Variants in ASAH2B observed in about 807,000 individuals in gnomAD.
ASAH2B encodes the protein N-acylsphingosine amidohydrolase 2B.
A neutral mutation model predicts 2.9 loss-of-function variants in ASAH2B; 1 was observed. The ratio of observed to expected loss-of-function variants is 0.34; its 90% CI spans 0.12 to 1.63. ASAH2B has a LOEUF of 1.63. ASAH2B is among the 40% of genes most tolerant of loss of function. ASAH2B has a pLI of 0.36. For synonymous variants in ASAH2B, 4 were observed against 13.3 expected, an observed-to-expected ratio of 0.30 and a Z score of 1.52; for missense variants, 9 against 37.7, an observed-to-expected ratio of 0.24 and a Z score of 1.99.
intron 2 of ASAH2B, chr10:50,743,622 A>G (rs1467376292): frequency 6.5e-6 from 1 of 152,988 alleles, no homozygotes; most frequent in Non-Finnish European, 1.5e-5. Context: ...GAATAAAAAC[A>G]TTGCATCTAC....
rs368143358 is a variant in ASAH2B at position 50,742,117 on chromosome 10, T to C, written c.-99-798T>C. Among the ~76,000 whole-genome samples the C allele has an allele frequency of 5.3e-5, 8 of 150,904 alleles. No homozygotes were observed. The East Asian group carries it at 7.8e-4, about 15-fold the overall frequency. Reference sequence around the variant, plus strand: ...CAAACCTGCACATGTACCTCTGAACTTAATACAAATATAAAAAAAAAGAGA... The same window carrying C: ...CAAACCTGCACATGTACCTCTGAACCTAATACAAATATAAAAAAAAAGAGA... On this transcript the variant is annotated intron_variant, in intron 1 of 5. Transcript: ENST00000647317.
At chr10:50,743,788 T>C (rs1274107968) in intron 2 of ASAH2B, 1 of 150,878 alleles carries the variant, frequency 6.6e-6, no homozygotes, top group Non-Finnish European at 1.5e-5. Flanking sequence ...AAGCAGCCCC[T>C]TATATAATAA....
chr10:50,757,473 T>G lies in ASAH2B; in HGVS notation c.*2733T>G. On this transcript the variant is annotated 3_prime_UTR_variant, in exon 6 of 6. Transcript: ENST00000647317. ...AGGCAGGTAGCTAACTATGAAATTG[T>G]TTCCTGCGCTAATTCTGAACAAAAA... 6.7e-6 allele frequency: 1 copy of G among 149,256 alleles called. No homozygotes were observed. Among genetic ancestry groups the G allele is most frequent in the Non-Finnish European group, 1.5e-5 (1 of 66,530 alleles). The allele number at this position is 149,256 out of a possible 1,614,324, so 9.2% of individuals were successfully genotyped here.
Position 50,756,550 on chromosome 10 carries a change from T to C in ASAH2B, c.*1810T>C, listed in dbSNP as rs1837093994. The C allele has an allele frequency of 6.6e-6, 1 of 151,988 alleles. No individual in the cohort carries two copies. Among genetic ancestry groups the C allele is most frequent in the South Asian group, 2.1e-4 (1 of 4,836 alleles). The allele number at this position is 151,988 out of a possible 1,614,324, so 9.4% of individuals were successfully genotyped here. Reference sequence around the variant, plus strand: ...TTACTCAGAAGGGTTCATGAATCAGTTTCCACTACCTCTATTCCTTCTATT... The same window carrying C: ...TTACTCAGAAGGGTTCATGAATCAGCTTCCACTACCTCTATTCCTTCTATT... On this transcript the variant is annotated 3_prime_UTR_variant, in exon 6 of 6. Transcript: ENST00000647317.
At chr10:50,740,513 T>C (rs962209041) in intron 1 of ASAH2B, among the ~76,000 whole-genome samples, 5 of 152,202 alleles carry the variant, frequency 3.3e-5, no homozygotes, top group African/African-American at 1.2e-4. Flanking sequence ...GACTCACTTC[T>C]GTGCTCCAGT....
chr10:50,747,071 C>A (rs866804109), intron 3 of ASAH2B, among the ~76,000 whole-genome samples: 1,721 of 148,780 alleles, frequency 0.012, 66 homozygotes, highest in African/African-American at 0.035. Flanking sequence ...AAAAAAAAAA[C>A]AAACATCACC....
chr10:50,746,861 G>T (rs1356017768), intron 3 of ASAH2B, among the ~76,000 whole-genome samples: 2 of 150,920 alleles, frequency 1.3e-5, no homozygotes, highest in African/African-American at 4.9e-5. Context: ...TTGTTTTCTT[G>T]CTATAGAGTT....
intron 2 of ASAH2B, among the ~76,000 whole-genome samples, chr10:50,744,141 G>T (rs2132720905): frequency 6.6e-6 from 1 of 150,640 alleles, no homozygotes; most frequent in South Asian, 2.1e-4. Context: ...CTATTTGTAG[G>T]TCATTCAGAT....
At chr10:50,747,636 G>A (rs2820762) in intron 3 of ASAH2B, among the ~76,000 whole-genome samples, 114,149 of 148,914 alleles carry the variant, frequency 0.77, 45,354 homozygotes, top group East Asian at 0.97. Context: ...TCAGTGTTGG[G>A]GTTTTGCAAT....
At position 50,758,986 on chromosome 10, in the gene ASAH2B, G is replaced by A. The variant is rs1837149942; in HGVS notation, c.*4246G>A. ...AGAAATTAGCTAGAAGGAAGGCAAT[G>A]GTGTGTGCATGTATGTGTGTATTAG... is the stretch of plus-strand genomic sequence containing the variant. On this transcript the variant is annotated 3_prime_UTR_variant, in exon 6 of 6. Coordinates refer to ENST00000647317, the MANE Select transcript of ASAH2B (RefSeq NM_001321958.2). The A allele has an allele frequency of 6.7e-6, 1 of 148,734 alleles. No homozygotes were observed. Among genetic ancestry groups the A allele is most frequent in the African/African-American group, 2.4e-5 (1 of 41,204 alleles). The allele number at this position is 148,734 out of a possible 1,614,324, so 9.2% of individuals were successfully genotyped here. A position where few individuals can be genotyped will look rare whatever the true frequency, so the allele number is the denominator to read the frequency against.
chr10:50,740,239 G>A (rs1478643808), intron 1 of ASAH2B, among the ~76,000 whole-genome samples: 2 of 152,146 alleles, frequency 1.3e-5, no homozygotes, highest in African/African-American at 4.8e-5. Flanking sequence ...CGTGGTCCCA[G>A]CAGGCGACTC....
Position 50,755,755 on chromosome 10 carries a change from G to A in ASAH2B, c.*1015G>A, listed in dbSNP as rs1376425314. The A allele has an allele frequency of 6.7e-6, 1 of 149,942 alleles. No homozygotes were observed. The highest frequency in any genetic ancestry group is 1.5e-5 in the Non-Finnish European group (1 of 67,108). The allele number at this position is 149,942 out of a possible 1,614,324, so 9.3% of individuals were successfully genotyped here. On this transcript the variant is annotated 3_prime_UTR_variant, in exon 6 of 6. Transcript: ENST00000647317. ...ATGCCCAGAATTATAATAGTGCCTA[G>A]GCCTTGATAATTAGTGAATTTGTAC...
chr10:50,747,310 T>C (rs1839922412), intron 3 of ASAH2B, among the ~76,000 whole-genome samples: 1 of 151,508 alleles, frequency 6.6e-6, no homozygotes, highest in South Asian at 2.1e-4. Context: ...TGAGGGCTTA[T>C]TTCTGGGCTC....
In ASAH2B at chr10:50,759,157, T is replaced by C. The variant is rs1037102335; in HGVS notation, c.*4417T>C. The C allele has an allele frequency of 1.9e-5, 2 of 106,290 alleles. No individual in the cohort carries two copies. The highest frequency in any genetic ancestry group is 5.1e-5 in the African/African-American group (2 of 39,362). 6.6% of individuals were successfully genotyped at this position (106,290 alleles called of 1,614,324 possible). On this transcript the variant is annotated 3_prime_UTR_variant, in exon 6 of 6. Coordinates refer to ENST00000647317, the MANE Select transcript of ASAH2B (RefSeq NM_001321958.2). ...TTTACCTTCATAAATAGCAATTTGG[T>C]TTTATACTTGTATTAGCATTTTTCC...
At chr10:50,741,682 G>A in intron 1 of ASAH2B, among the ~76,000 whole-genome samples, 1 of 152,156 alleles carries the variant, frequency 6.6e-6, no homozygotes. Context: ...CATGGAGTAA[G>A]TATGCGGAGG....
rs567877245 is a variant in ASAH2B, at chr10:50,742,270, G to A, written c.-99-645G>A. Among the ~76,000 whole-genome samples the A allele has an allele frequency of 8.3e-4, 126 of 152,282 alleles. 1 individual carries two copies. Among genetic ancestry groups the A allele is most frequent in the Non-Finnish European group, 1.3e-4 (9 of 68,022 alleles). The stretch of plus-strand genomic sequence containing the variant: ...GAATTACCAGATGTGGAGACTGATA[G>A]GATACAGGATGAGGGAGAGAGGAGT... On this transcript the variant is annotated intron_variant, in intron 1 of 5. Transcript: ENST00000647317.
chr10:50,743,502 CTTA>C (rs974807834), intron 2 of ASAH2B, among the ~76,000 whole-genome samples: 2 of 150,466 alleles, frequency 1.3e-5, no homozygotes, highest in Non-Finnish European at 3.0e-5. Context: ...TCAGAGGAAG[CTTA>C]TTATTATAAT....
intron 2 of ASAH2B, among the ~76,000 whole-genome samples, chr10:50,743,382 C>G (rs1026192647): frequency 6.6e-6 from 1 of 150,444 alleles, no homozygotes; most frequent in African/African-American, 2.5e-5. Context: ...CCTGTGTTTT[C>G]TAATCCTTGC....
intron 2 of ASAH2B, 34 bp downstream of exon 2, chr10:50,743,044 G>A (rs749328323): frequency 6.1e-6 from 7 of 1,144,894 alleles, no homozygotes; most frequent in Admixed American, 2.2e-5. Context: ...GCGTGCGTGC[G>A]TGTGTGTGTG....
Sources: allele counts gnomAD v4.1 joint callset (sites outside exome capture counted in the v4.1 genomes callset), GRCh38; gene constraint gnomAD v4.1.1; transcripts MANE v1.5; gene names NCBI Gene and HGNC (gene_info 2026-07-23, HGNC 2026-07-21).